ZNF544: variants seen among roughly 807,000 people sequenced by gnomAD.
ZNF544 encodes zinc finger protein 544, also known as zinc finger protein AF020591.
In ZNF544, 10 loss-of-function variants were observed where a neutral mutation model predicts 13.5. The observed-to-expected ratio is 0.74, with a 90% CI of 0.46 to 1.25. The LOEUF is 1.25. ZNF544 is among the 50% of genes most tolerant of loss of function. ZNF544 has a pLI of 0.00. For synonymous variants in ZNF544, 323 were observed against 300.5 expected (o/e 1.07, Z -0.77); for missense variants, 896 against 845.6 (o/e 1.06, Z -0.74).
intron 6 of ZNF544, among the ~76,000 whole-genome samples, chr19:58,254,416 G>A (rs1163811101): frequency 5.3e-5 from 8 of 152,218 alleles, no homozygotes; most frequent in African/African-American, 1.7e-4. Flanking sequence ...CAAGCAGGGA[G>A]TCAGATGGAA....
At chr19:58,233,609 C>T (rs1033194391) in intron 3 of ZNF544, among the ~76,000 whole-genome samples, 1 of 152,124 alleles carries the variant, frequency 6.6e-6, no homozygotes, top group African/African-American at 2.4e-5. Flanking sequence ...ATATATTCTG[C>T]CCACAGAAAA....
At chr19:58,266,476 C>T (rs1204070269), downstream of ZNF544, among the ~76,000 whole-genome samples, 1 of 131,910 alleles carries the variant, frequency 7.6e-6, no homozygotes, top group Admixed American at 8.9e-5. Flanking sequence ...AATCATGCCA[C>T]TGCACTCCAG....
intron 6 of ZNF544, among the ~76,000 whole-genome samples, chr19:58,253,236 A>G (rs996002974): frequency 6.6e-6 from 1 of 152,212 alleles, no homozygotes; most frequent in African/African-American, 2.4e-5. Context: ...CATTTACTCA[A>G]TTCTTTCATT....
intron 6 of ZNF544, chr19:58,276,509 C>T: frequency 1.1e-6 from 1 of 942,904 alleles, no homozygotes; most frequent in Non-Finnish European, 1.4e-6. Context: ...ACTCTGTCGC[C>T]CAGGCTGGAG....
chr19:58,268,723 G>C (rs11668785), downstream of ZNF544, among the ~76,000 whole-genome samples: 46,338 of 152,220 alleles, frequency 0.3, 8,036 homozygotes, highest in Middle Eastern at 0.47. Context: ...CGAAGGAAAA[G>C]AGGAAGTTGC....
chr19:58,261,443 C>T lies in ZNF544; in HGVS notation c.837C>T (p.Phe279=). 6.2e-7 allele frequency: 1 copy of T among 1,614,216 alleles called. No individual in the cohort carries two copies. Reference sequence around the variant, plus strand: ...ACTGTAAGGATTATGGAAACCTCTTCAGTCACAGTGTGTCTCTGAATGAAC... The same window carrying T: ...ACTGTAAGGATTATGGAAACCTCTTTAGTCACAGTGTGTCTCTGAATGAAC... ...SDDCKDYGNL[F]SHSVSLNEQK... is the part of the protein sequence containing the mutation. The change falls in exon 7 of 7, where the codon TTC becomes TTT. Residue 279 remains phenylalanine (F), a synonymous_variant. Transcript: ENST00000687789.
intron 3 of ZNF544, among the ~76,000 whole-genome samples, chr19:58,241,788 C>T (rs1009987491): frequency 1.7e-4 from 26 of 152,176 alleles, no homozygotes; most frequent in Admixed American, 6.5e-5. Flanking sequence ...TGAGCCACCA[C>T]GCCCAGCCTA....
At position 58,261,649 on chromosome 19, in the gene ZNF544, A is replaced by G. The variant is rs1488645094; in HGVS notation, c.1043A>G (p.Gln348Arg). Reference protein sequence around the residue: ...ASSFSDCNIIQTTEKPSVCNQ... With the variant: ...ASSFSDCNIIRTTEKPSVCNQ... ...TCTTTTTCTGACTGTAACATCATTC[A>G]GACTACAGAGAAGCCATCTGTGTGT... Residue 348 changes from glutamine to arginine, a missense_variant, in exon 7 of 7, where the codon CAG becomes CGG. Physicochemically the swap from Gln to Arg is conservative, Grantham distance 43. Transcript: ENST00000687789. 3 of 1,614,236 alleles carry G rather than the reference A, an allele frequency of 1.9e-6. No homozygotes were observed. In the African/African-American group the frequency reaches 4.0e-5, roughly 22 times the overall value.
chr19:58,242,399 T>G, intron 3 of ZNF544: 7 of 557,538 alleles, frequency 1.3e-5, no homozygotes, highest in Non-Finnish European at 1.6e-5. Context: ...TTTTTTTTTT[T>G]TTGTCTGAGA....
intron 6 of ZNF544, among the ~76,000 whole-genome samples, chr19:58,248,340 C>T (rs544974705): frequency 6.9e-6 from 1 of 144,788 alleles, no homozygotes; most frequent in East Asian, 2.0e-4. Context: ...TTAAGTGATC[C>T]TCCCACCTCT....
intron 3 of ZNF544, among the ~76,000 whole-genome samples, chr19:58,234,382 C>T (rs1200249041): frequency 6.6e-6 from 1 of 152,224 alleles, no homozygotes; most frequent in East Asian, 1.9e-4. Flanking sequence ...GCTGACTGCA[C>T]TTCATTGTTG....
intron 5 of ZNF544, 126 bp from the exon 6 acceptor site, chr19:58,246,585 T>C: frequency 1.4e-6 from 2 of 1,460,346 alleles, no homozygotes; most frequent in South Asian, 2.6e-5. Context: ...CTGGGACAGG[T>C]TTGTGACTTG....
At chr19:58,274,795 A>G (rs1410612288) in intron 5 of ZNF544, among the ~76,000 whole-genome samples, 4 of 152,090 alleles carry the variant, frequency 2.6e-5, no homozygotes, top group African/African-American at 7.2e-5. Context: ...CCATGTTCCC[A>G]TTGCATCTGT....
intron 3 of ZNF544, among the ~76,000 whole-genome samples, chr19:58,236,003 T>G (rs760962446): frequency 6.6e-6 from 1 of 151,452 alleles, no homozygotes; most frequent in Non-Finnish European, 1.5e-5. Flanking sequence ...GAGGTTGCAG[T>G]GAGCCGAGAT....
At chr19:58,228,995 G>A (rs932296773) in intron 1 of ZNF544, 49 bp downstream of exon 1, 1 of 152,434 alleles carries the variant, frequency 6.6e-6, no homozygotes, top group Admixed American at 6.5e-5. Flanking sequence ...CTGTTAGCCG[G>A]GTGCGGCCGG....
intron 3 of ZNF544, among the ~76,000 whole-genome samples, chr19:58,242,887 C>T (rs570178401): frequency 9.9e-5 from 15 of 152,146 alleles, no homozygotes; most frequent in Admixed American, 5.9e-4. Context: ...TTAGTAGAGA[C>T]GGTTTCACCA....
chr19:58,271,114 A>T (rs562982000), intron 5 of ZNF544, among the ~76,000 whole-genome samples: 1 of 151,370 alleles, frequency 6.6e-6, no homozygotes, highest in East Asian at 2.0e-4. Context: ...CAGGAGGCTG[A>T]GGCAGGAGAA....
chr19:58,270,745 G>C (rs1350035506), intron 5 of ZNF544, among the ~76,000 whole-genome samples: 2 of 152,200 alleles, frequency 1.3e-5, no homozygotes, highest in African/African-American at 2.4e-5. Context: ...GATGGGGAAA[G>C]TAGTAGTGGA....
rs1168852831 is a variant in ZNF544 at position 58,261,358 on chromosome 19, T to A, written c.752T>A (p.Leu251His). The change falls in exon 7 of 7, where the codon CTC becomes CAC. Residue 251 changes from leucine (L) to histidine (H), a missense_variant. Physicochemically the swap from Leu to His is moderately conservative, Grantham distance 99. Coordinates refer to ENST00000687789, the MANE Select transcript of ZNF544 (RefSeq NM_014480.4). ...PYEYIVSGDS[L>H]NYGSSLCFHG... ...GAATATATTGTCAGTGGTGACTCTCTCAACTATGGTTCCTCCCTTTGTTTT... is the reference window on the plus strand; with the variant it reads ...GAATATATTGTCAGTGGTGACTCTCACAACTATGGTTCCTCCCTTTGTTTT... 3 of 1,614,054 alleles carry A rather than the reference T, an allele frequency of 1.9e-6. No individual in the cohort carries two copies. The African/African-American group carries it at 4.0e-5, about 22-fold the overall frequency.
Sources: gnomAD v4.1 joint callset for allele counts (sites outside exome capture counted in the v4.1 genomes callset) on GRCh38, gnomAD v4.1.1 for gene constraint, MANE v1.5 for transcripts, NCBI Gene and HGNC (gene_info 2026-07-23, HGNC 2026-07-21) for gene names.